Variants in CISH observed in about 807,000 individuals in gnomAD.
The protein encoded by CISH is cytokine-inducible SH2-containing protein.
Under a neutral mutation model 21.3 loss-of-function variants are expected in CISH, and 11 were observed. The observed-to-expected ratio is 0.52, with a 90% CI of 0.32 to 0.85. The LOEUF (loss-of-function observed/expected upper bound fraction) is 0.85. Ranked by LOEUF, CISH falls within the 40% of genes least tolerant of loss-of-function variation. The pLI, the probability that CISH is intolerant of heterozygous loss-of-function variation, is 0.03. For missense variants in CISH, 280 were observed against 351.7 expected, an observed-to-expected ratio of 0.80 and a Z score of 1.63; for synonymous variants, 118 against 142.3, an observed-to-expected ratio of 0.83 and a Z score of 1.22.
chr3:50,608,034 G>A lies in CISH; in HGVS notation c.350C>T (p.Thr117Met), dbSNP rs781089685. The A allele has an allele frequency of 2.4e-5, 39 of 1,613,876 alleles. No homozygotes were observed. Among genetic ancestry groups the A allele is most frequent in the Admixed American group, 1.3e-4 (8 of 60,004 alleles). ...RDSTHPSYLF[T>M]LSVKTTRGPT... ...GCCACGAGTGGTTTTCACTGACAGC[G>A]TGAACAGGTAGCTGGGGTGCGTGCT... Residue 117 changes from threonine (T) to methionine (M), a missense_variant, in exon 3 of 3, where the codon ACG becomes ATG. Coordinates refer to ENST00000348721, the MANE Select transcript of CISH (RefSeq NM_145071.4).
At chr3:50,610,442 A>G (rs1227436887) in intron 1 of CISH, 2 of 1,551,420 alleles carry the variant, frequency 1.3e-6, no homozygotes, top group African/African-American at 2.7e-5. Context: ...TTCTAGGTAC[A>G]TGTGTGTGCC....
At chr3:50,608,757 G>C (rs766373905) in intron 1 of CISH, 164 bp from the exon 2 acceptor site, 4 of 443,722 alleles carry the variant, frequency 9.0e-6, no homozygotes, top group Non-Finnish European at 1.6e-5. Context: ...CCAGTATCTC[G>C]TTCCCCACTT....
chr3:50,610,415 G>A (rs1323582311), intron 1 of CISH: 12 of 1,551,568 alleles, frequency 7.7e-6, no homozygotes, highest in Non-Finnish European at 1.0e-5. Flanking sequence ...ATCATGGTGG[G>A]GACAGTGGCT....
At chr3:50,611,384 C>T in intron 1 of CISH, 2 of 1,356,044 alleles carry the variant, frequency 1.5e-6, no homozygotes, top group Non-Finnish European at 9.4e-7. Flanking sequence ...CTGAGCCCAC[C>T]CTGTGAGTTC....
chr3:50,610,959 C>G, intron 1 of CISH: 5 of 997,062 alleles, frequency 5.0e-6, no homozygotes, highest in Non-Finnish European at 6.0e-6. Context: ...CCCCTCTCCA[C>G]TGTCCCTTAC....
At chr3:50,611,371 A>T (rs1559479538) in intron 1 of CISH, 15 of 1,351,592 alleles carry the variant, frequency 1.1e-5, no homozygotes, top group South Asian at 1.8e-5. Context: ...ATGAGAACCC[A>T]GGCTGAGCCC....
chr3:50,608,233 C>T (rs373879739), intron 2 of CISH, 91 bp from the exon 3 acceptor site: 39 of 1,510,666 alleles, frequency 2.6e-5, no homozygotes, highest in African/African-American at 1.7e-4. Context: ...TCCAGCTTCA[C>T]GCTTCCCTAG....
chr3:50,608,168 G>A, intron 2 of CISH, 26 bp from the exon 3 acceptor site: 1 of 1,576,404 alleles, frequency 6.3e-7, no homozygotes, highest in Non-Finnish European at 8.6e-7. Context: ...GGGGGCCAAG[G>A]GACATAGTGG....
Position 50,607,436 on chromosome 3 carries a change from A to G in CISH, c.*171T>C. ...GGGGCATTTACCTCCAAGTTGTGTGACACCTCCCCTCTCCCATGCCTTGCT... is the reference window on the plus strand; with the variant it reads ...GGGGCATTTACCTCCAAGTTGTGTGGCACCTCCCCTCTCCCATGCCTTGCT... On this transcript the variant is annotated 3_prime_UTR_variant, in exon 3 of 3. Transcript: ENST00000348721. 1 of 666,674 alleles carries G rather than the reference A, an allele frequency of 1.5e-6. No homozygotes were observed. The allele number at this position is 666,674 out of a possible 1,614,324, so 41.3% of individuals were successfully genotyped here. A position where few individuals can be genotyped will look rare whatever the true frequency, so the allele number is the denominator to read the frequency against.
intron 1 of CISH, chr3:50,610,329 T>G: frequency 6.5e-7 from 1 of 1,548,376 alleles, no homozygotes; most frequent in Non-Finnish European, 8.7e-7. Flanking sequence ...GCTGGGTGTA[T>G]GAATAGCTGT....
chr3:50,610,897 A>G, intron 1 of CISH: 2 of 1,025,490 alleles, frequency 2.0e-6, no homozygotes, highest in Non-Finnish European at 2.3e-6. Context: ...TTCAGGACAG[A>G]GTGGATGGCC....
At chr3:50,608,705 G>C (rs1331857331) in intron 1 of CISH, 112 bp from the exon 2 acceptor site, 1 of 694,866 alleles carries the variant, frequency 1.4e-6, no homozygotes, top group Non-Finnish European at 2.2e-6. Context: ...ATCTCACTAT[G>C]AGCCTCAGCT....
chr3:50,611,532 C>T (rs2107561927), intron 1 of CISH, 99 bp downstream of exon 1: 3 of 1,514,786 alleles, frequency 2.0e-6, no homozygotes, highest in East Asian at 2.8e-5. Context: ...TCACCTCTGG[C>T]CCGTCAAGCC....
Position 50,607,685 on chromosome 3 carries a change from A to G in CISH, c.699T>C (p.Arg233=), listed in dbSNP as rs2032194641. 1.2e-6 allele frequency: 2 copies of G among 1,613,584 alleles called. No homozygotes were observed. The highest frequency in any genetic ancestry group is 1.7e-5 in the Admixed American group (1 of 60,012). The change falls in exon 3 of 3, where the codon CGT becomes CGC. Residue 233 remains arginine, a synonymous_variant. Coordinates refer to ENST00000348721, the MANE Select transcript of CISH (RefSeq NM_145071.4). ...GCAGGCAGTCCACGTCGGCCACCAG[A>G]CGGTTGATGACAAGGCGGCACAGGT... ...LQHLCRLVIN[R]LVADVDCLPL...
chr3:50,611,356 C>T, intron 1 of CISH: 1 of 1,346,786 alleles, frequency 7.4e-7, no homozygotes. Context: ...CATCCATCTG[C>T]TCCAATGAGA....
intron 1 of CISH, chr3:50,611,297 A>C: frequency 7.9e-7 from 1 of 1,268,992 alleles, no homozygotes; most frequent in Non-Finnish European, 9.9e-7. Flanking sequence ...TGGGCCCAGA[A>C]GAATATCTGG....
intron 1 of CISH, chr3:50,610,040 C>T: frequency 2.9e-6 from 1 of 348,858 alleles, no homozygotes. Flanking sequence ...TGACCACTCA[C>T]AGTGAGAAAG....
Position 50,607,781 on chromosome 3 carries a change from T to C in CISH, c.603A>G (p.Pro201=), listed in dbSNP as rs111900856. ...GTTTTAGGTGTACAGCAGTGGCTGG[T>C]GGAGGAGCAGGCAGTGCTGGGTCAC... is the stretch of plus-strand genomic sequence containing the variant. The part of the protein sequence containing the change: ...APSDPALPAP[P]PATAVHLKLV... Residue 201 remains proline (P), a synonymous_variant, in exon 3 of 3, where the codon CCA becomes CCG. Coordinates refer to ENST00000348721, the MANE Select transcript of CISH (RefSeq NM_145071.4). 72 of 1,612,522 alleles carry C rather than the reference T, an allele frequency of 4.5e-5. 3 individuals are homozygous for C. In the African/African-American group the frequency reaches 5.3e-4, roughly 12 times the overall value.
intron 1 of CISH, chr3:50,611,390 A>T (rs1327690326): frequency 2.2e-6 from 3 of 1,356,856 alleles, no homozygotes; most frequent in African/African-American, 3.1e-5. Flanking sequence ...CCACCCTGTG[A>T]GTTCCTCCTT....
Sources: gnomAD v4.1 joint callset for allele counts on GRCh38, gnomAD v4.1.1 for gene constraint, MANE v1.5 for transcripts, NCBI Gene and HGNC (gene_info 2026-07-23, HGNC 2026-07-21) for gene names.